The following FBN3 variants were observed in gnomAD, a reference collection of about 807,000 sequenced individuals.
The protein encoded by FBN3 is fibrillin-3.
A neutral mutation model predicts 330.1 loss-of-function variants in FBN3; 234 were observed. The ratio of observed to expected loss-of-function variants is 0.71; its 90% confidence interval spans 0.64 to 0.79. The LOEUF is 0.79. Among genes scored for constraint, FBN3 ranks in the 30% least tolerant of loss-of-function variants. The pLI is 0.00. For synonymous variants in FBN3, 1,458 were observed against 1,517.3 expected (o/e 0.96, Z 0.91); for missense variants, 3,606 against 3,886.9 (o/e 0.93, Z 1.92).
chr19:8,068,566 G>A (rs891633507), intron 63 of FBN3, among the ~76,000 whole-genome samples: 1 of 151,772 alleles, frequency 6.6e-6, no homozygotes, highest in African/African-American at 2.4e-5. Flanking sequence ...CAGGTGTGGT[G>A]GTACATGTAC....
rs1198144987 is a variant in FBN3, at chr19:8,073,104, G to A, written c.7896C>T (p.Phe2632=). 2.5e-6 allele frequency: 4 copies of A among 1,613,236 alleles called. No individual in the cohort carries two copies. Among genetic ancestry groups the A allele is most frequent in the Non-Finnish European group, 3.4e-6 (4 of 1,179,664 alleles). The part of the protein sequence containing the change: ...SYSCANTPGG[F]LCGCPQGYFR... ...AGTAGCCTTGAGGACAGCCGCACAG[G>A]AAGCCACCAGGCGTGTTGGCACAGC... Residue 2632 remains phenylalanine, a synonymous_variant, in exon 62 of 64, where the codon TTC becomes TTT. Transcript: ENST00000600128.
intron 63 of FBN3, among the ~76,000 whole-genome samples, chr19:8,068,701 CAAAT>C (rs1555721997): frequency 5.5e-5 from 7 of 127,934 alleles, no homozygotes; most frequent in Non-Finnish European, 8.8e-5. Context: ...GACCTTGTCT[CAAAT>C]AAATAAATAA....
At chr19:8,091,623 G>A (rs763573385) in intron 47 of FBN3, 33 bp from the exon 48 acceptor site, 51 of 1,610,604 alleles carry the variant, frequency 3.2e-5, no homozygotes, top group Non-Finnish European at 4.2e-5. Context: ...TGGGTGGGGG[G>A]CAAGTAGGAC....
chr19:8,146,081 C>G, intron 4 of FBN3, 46 bp downstream of exon 4: 2 of 1,543,034 alleles, frequency 1.3e-6, no homozygotes, highest in Non-Finnish European at 1.8e-6. Context: ...CAACCAGAAC[C>G]CTGTGAACTT....
At position 8,106,177 on chromosome 19, in the gene FBN3, T is replaced by C. The variant is rs1568402715; in HGVS notation, c.4744A>G (p.Thr1582Ala). The change falls in exon 38 of 64, where the codon ACG becomes GCG. Residue 1582 changes from threonine to alanine, a missense_variant. Physicochemically the swap from Thr to Ala is moderately conservative, Grantham distance 58. Coordinates refer to ENST00000600128, the MANE Select transcript of FBN3 (RefSeq NM_032447.5). ...GLCQGGDCVN[T>A]FGSFQCECPP... ...CACTCACACTGGAAACTGCCAAACG[T>C]GTTGACGCAGTCACCCCCCTGACAC... 1 of 1,614,132 alleles carries C rather than the reference T, an allele frequency of 6.2e-7. No individual in the cohort carries two copies.
chr19:8,135,470 G>A (rs561178154), intron 13 of FBN3, among the ~76,000 whole-genome samples: 55 of 151,872 alleles, frequency 3.6e-4, no homozygotes, highest in African/African-American at 1.3e-3. Context: ...TAGAGATGGG[G>A]TTTCACCGTG....
Position 8,138,440 on chromosome 19 carries a change from G to T in FBN3, c.990C>A (p.Val330=). 6.2e-7 allele frequency: 1 copy of T among 1,612,986 alleles called. No individual in the cohort carries two copies. The highest frequency in any genetic ancestry group is 8.5e-7 in the Non-Finnish European group (1 of 1,179,678). The change falls in exon 9 of 64, where the codon GTC becomes GTA. Residue 330 remains valine (V), a synonymous_variant. Coordinates refer to ENST00000600128, the MANE Select transcript of FBN3 (RefSeq NM_032447.5). ...AGCCCCGAGGAGGACACAGCTCAGGGACCGGGCCAGCTGCCCAGCACCTGC... is the reference window on the plus strand; with the variant it reads ...AGCCCCGAGGAGGACACAGCTCAGGTACCGGGCCAGCTGCCCAGCACCTGC... ...DRGRCWAAGP[V]PELCPPRGSN...
intron 40 of FBN3, among the ~76,000 whole-genome samples, chr19:8,102,130 G>C (rs139086008): frequency 0.041 from 6,174 of 152,222 alleles, 381 homozygotes; most frequent in African/African-American, 0.13. Flanking sequence ...ACGTGCTTTT[G>C]CTCCTCCTTC....
At chr19:8,118,056 C>T (rs1599382979) in intron 26 of FBN3, among the ~76,000 whole-genome samples, 1 of 101,490 alleles carries the variant, frequency 9.9e-6, no homozygotes, top group East Asian at 2.7e-4. Flanking sequence ...CTCACACATA[C>T]ACACACACCC....
At chr19:8,092,604 T>C (rs962390341) in intron 47 of FBN3, among the ~76,000 whole-genome samples, 2 of 144,954 alleles carry the variant, frequency 1.4e-5, no homozygotes, top group African/African-American at 2.6e-5. Context: ...TAATCCCAGC[T>C]ACCAGGAGGG....
chr19:8,136,359 G>GCC (rs71165277), intron 11 of FBN3, 29 bp downstream of exon 11: 5 of 1,608,522 alleles, frequency 3.1e-6, no homozygotes, highest in Admixed American at 1.7e-5. Flanking sequence ...AGTGAGAACC[G>GCC]CCCCCCCTTC....
In FBN3 at chr19:8,091,506, G is replaced by A; in HGVS notation, c.5990C>T (p.Pro1997Leu). 3 of 1,614,170 alleles carry A rather than the reference G, an allele frequency of 1.9e-6. No individual in the cohort carries two copies. Among genetic ancestry groups the A allele is most frequent in the South Asian group, 1.1e-5 (1 of 91,078 alleles). ...ATTGTCAGAGAGGACAAAGCCAGGT[G>A]GGCAGAGGCACTGGAAGCTCCCAGG... ...NSPGSFQCLC[P>L]PGFVLSDNGH... The change falls in exon 48 of 64, where the codon CCA becomes CTA. Residue 1997 changes from proline (P) to leucine (L), a missense_variant. By Grantham distance (98) the Pro-to-Leu change is moderately conservative (BLOSUM62 -3). Transcript: ENST00000600128.
chr19:8,104,180 A>AC (rs1469904136), intron 38 of FBN3, among the ~76,000 whole-genome samples: 2 of 151,708 alleles, frequency 1.3e-5, no homozygotes, highest in Non-Finnish European at 2.9e-5. Context: ...AAAAAAAAAA[A>AC]AAACATTTAC....
chr19:8,091,643 T>C (rs2082098164), intron 47 of FBN3, 53 bp from the exon 48 acceptor site: 5 of 1,597,658 alleles, frequency 3.1e-6, no homozygotes, highest in Admixed American at 1.7e-5. Flanking sequence ...CCTCCATCAG[T>C]GGGGAGAGGA....
intron 62 of FBN3, 79 bp downstream of exon 62, chr19:8,072,966 CGTGTGTGTGTGTGTGTGT>C (rs60155490): frequency 3.4e-5 from 22 of 645,146 alleles, no homozygotes; most frequent in South Asian, 2.7e-4. Flanking sequence ...CACAAAGCCC[CGTGTGTGTGTGTGTGTGT>C]GTGTGTGTGT....
intron 18 of FBN3, among the ~76,000 whole-genome samples, chr19:8,128,244 G>C (rs1343478708): frequency 2.0e-5 from 3 of 152,124 alleles, no homozygotes. Context: ...ATGTGTGACT[G>C]GGACTGCAAG....
intron 25 of FBN3, among the ~76,000 whole-genome samples, chr19:8,120,297 G>GTAGC (rs1314176599): frequency 6.6e-6 from 1 of 151,306 alleles, no homozygotes; most frequent in Admixed American, 6.6e-5. Flanking sequence ...AGCCTCCTGA[G>GTAGC]TAGCTGGACC....
intron 41 of FBN3, among the ~76,000 whole-genome samples, chr19:8,099,073 T>C (rs1038036175): frequency 5.9e-5 from 9 of 152,098 alleles, no homozygotes; most frequent in Non-Finnish European, 1.2e-4. Context: ...GTAACCAACA[T>C]GTCAAGCATT....
Position 8,136,306 on chromosome 19 carries a change from A to G in FBN3, c.1349T>C (p.Val450Ala). 1 of 1,602,084 alleles carries G rather than the reference A, an allele frequency of 6.2e-7. No homozygotes were observed. The highest frequency in any genetic ancestry group is 8.5e-7 in the Non-Finnish European group (1 of 1,174,544). The change falls in exon 12 of 64, where the codon GTA becomes GCA. Residue 450 changes from valine (V) to alanine (A), a missense_variant. By Grantham distance (64) the Val-to-Ala change is moderately conservative. Coordinates refer to ENST00000600128, the MANE Select transcript of FBN3 (RefSeq NM_032447.5). ...GCAGGGGCTGCTGGTGCATTCGTCT[A>G]CATCTGAGGGGAGAGGACCCTGAGC... ...TQDVRGECIDVDECTSSPCHH... is the reference protein window; with the variant it reads ...TQDVRGECIDADECTSSPCHH...
Sources: allele counts gnomAD v4.1 joint callset (sites outside exome capture counted in the v4.1 genomes callset), GRCh38; gene constraint gnomAD v4.1.1; transcripts MANE v1.5; gene names NCBI Gene and HGNC (gene_info 2026-07-23, HGNC 2026-07-21).